PIP4K2A: variants seen among roughly 807,000 people sequenced by gnomAD.
PIP4K2A encodes phosphatidylinositol 5-phosphate 4-kinase type-2 alpha.
A neutral mutation model predicts 42.9 loss-of-function variants in PIP4K2A; 14 were observed. That is an observed-to-expected ratio of 0.33 (90% confidence interval 0.22 to 0.51). PIP4K2A has a LOEUF of 0.51. Among genes scored for constraint, PIP4K2A ranks in the 20% least tolerant of loss-of-function variants. The probability of loss-of-function intolerance (pLI) is 0.97; values close to 1 mark genes in which losing one functional copy is unlikely to be tolerated. For missense variants in PIP4K2A, 434 were observed against 519.8 expected (o/e 0.83, Z 1.61); for synonymous variants, 192 against 192.2 (o/e 1.00, Z 0.01).
chr10:22,669,313 G>A (rs1230583076), intron 1 of PIP4K2A, among the ~76,000 whole-genome samples: 1 of 152,124 alleles, frequency 6.6e-6, no homozygotes, highest in Admixed American at 6.5e-5. Context: ...CGACGGTGGT[G>A]CCATAAGATT....
intron 1 of PIP4K2A, among the ~76,000 whole-genome samples, chr10:22,707,243 T>C (rs1833838881): frequency 6.6e-6 from 1 of 152,238 alleles, no homozygotes. Context: ...GTAGGTACCA[T>C]TATTACCTCC....
chr10:22,699,776 T>C (rs886964077), intron 1 of PIP4K2A, among the ~76,000 whole-genome samples: 1 of 152,176 alleles, frequency 6.6e-6, no homozygotes, highest in Non-Finnish European at 1.5e-5. Context: ...TGTAATGCAA[T>C]ATATGTATTT....
intron 7 of PIP4K2A, 149 bp downstream of exon 7, chr10:22,550,510 G>A (rs1836379740): frequency 3.0e-6 from 2 of 658,054 alleles, no homozygotes; most frequent in Admixed American, 5.5e-5. Flanking sequence ...CATGTAACAT[G>A]AGACACCTTC....
chr10:22,671,813 G>A (rs1306308980), intron 1 of PIP4K2A, among the ~76,000 whole-genome samples: 1 of 151,142 alleles, frequency 6.6e-6, no homozygotes, highest in African/African-American at 2.5e-5. Context: ...TTTTTCTAGC[G>A]AAATGCAGAG....
chr10:22,699,943 T>C (rs1833681569), intron 1 of PIP4K2A, among the ~76,000 whole-genome samples: 1 of 152,174 alleles, frequency 6.6e-6, no homozygotes, highest in African/African-American at 2.4e-5. Flanking sequence ...AGATATATAA[T>C]GGACTTTAGA....
chr10:22,665,073 T>C (rs1427262073), intron 1 of PIP4K2A, among the ~76,000 whole-genome samples: 1 of 152,216 alleles, frequency 6.6e-6, no homozygotes, highest in Non-Finnish European at 1.5e-5. Context: ...TCTTTATGGA[T>C]ATATTTAATA....
chr10:22,548,020 C>T (rs1836299436), intron 7 of PIP4K2A, among the ~76,000 whole-genome samples: 2 of 152,154 alleles, frequency 1.3e-5, no homozygotes, highest in African/African-American at 2.4e-5. Flanking sequence ...ACAGCAACAA[C>T]AACAAAAAAC....
intron 1 of PIP4K2A, among the ~76,000 whole-genome samples, chr10:22,634,674 C>G (rs1344012273): frequency 1.3e-5 from 2 of 152,210 alleles, no homozygotes; most frequent in Non-Finnish European, 2.9e-5. Flanking sequence ...CTCTCTTTCT[C>G]TCTCTCCCTC....
At chr10:22,652,831 C>T (rs1171494) in intron 1 of PIP4K2A, among the ~76,000 whole-genome samples, 38,691 of 152,102 alleles carry the variant, frequency 0.25, 5,220 homozygotes, top group Non-Finnish European at 0.3. Flanking sequence ...CAGTGGCTCA[C>T]GCCTACAAGC....
intron 1 of PIP4K2A, among the ~76,000 whole-genome samples, chr10:22,679,083 T>C (rs960857367): frequency 5.3e-5 from 8 of 152,178 alleles, no homozygotes; most frequent in Admixed American, 5.2e-4. Context: ...CTAGAGGAAG[T>C]GGACTATATC....
intron 6 of PIP4K2A, among the ~76,000 whole-genome samples, chr10:22,560,451 C>A (rs1462991104): frequency 6.6e-6 from 1 of 152,120 alleles, no homozygotes; most frequent in African/African-American, 2.4e-5. Context: ...AAACTGGTTT[C>A]GAAAAGCATT....
intron 1 of PIP4K2A, chr10:22,694,457 A>G (rs1275962046): frequency 6.6e-6 from 1 of 152,230 alleles, no homozygotes; most frequent in Non-Finnish European, 1.5e-5. Context: ...GACCCCAAAA[A>G]TGTTTTGTAC....
intron 1 of PIP4K2A, among the ~76,000 whole-genome samples, chr10:22,674,782 A>AAATAAATAAATAAAT (rs1839522175): frequency 2.0e-5 from 3 of 148,404 alleles, no homozygotes; most frequent in Admixed American, 6.7e-5. Context: ...TCTCTACCAA[A>AAATAAATAAATAAAT]AAATAAATAA....
chr10:22,612,491 T>C (rs574325458), intron 1 of PIP4K2A, among the ~76,000 whole-genome samples: 24 of 151,892 alleles, frequency 1.6e-4, no homozygotes, highest in African/African-American at 5.6e-4. Flanking sequence ...AGTGCAGAAA[T>C]AGACAAGGTG....
chr10:22,562,081 C>T (rs1242572600), intron 6 of PIP4K2A, among the ~76,000 whole-genome samples: 1 of 152,064 alleles, frequency 6.6e-6, no homozygotes, highest in Non-Finnish European at 1.5e-5. Flanking sequence ...ATTTTCCCCC[C>T]CGATGTCTGA....
intron 1 of PIP4K2A, among the ~76,000 whole-genome samples, chr10:22,621,044 G>A (rs1838318176): frequency 6.6e-6 from 1 of 152,170 alleles, no homozygotes; most frequent in Non-Finnish European, 1.5e-5. Context: ...GCTAAATGAA[G>A]CTAATATGCC....
intron 3 of PIP4K2A, among the ~76,000 whole-genome samples, chr10:22,599,284 A>G (rs1837698794): frequency 6.6e-6 from 1 of 152,254 alleles, no homozygotes; most frequent in Admixed American, 6.5e-5. Flanking sequence ...GACTCCAAAA[A>G]GAAACCTGAA....
chr10:22,701,842 T>G (rs1315891477), intron 1 of PIP4K2A, among the ~76,000 whole-genome samples: 1 of 152,218 alleles, frequency 6.6e-6, no homozygotes, highest in African/African-American at 2.4e-5. Context: ...GGAAGCCACT[T>G]TGGCTCTAAG....
chr10:22,707,984 T>A (rs974833886), intron 1 of PIP4K2A, among the ~76,000 whole-genome samples: 4 of 151,922 alleles, frequency 2.6e-5, no homozygotes, highest in African/African-American at 9.7e-5. Context: ...AGAAAAGAAA[T>A]GAGGATAAAG....
Sources: gnomAD v4.1 joint callset for allele counts (sites outside exome capture counted in the v4.1 genomes callset) on GRCh38, gnomAD v4.1.1 for gene constraint, MANE v1.5 for transcripts, NCBI Gene and HGNC (gene_info 2026-07-23, HGNC 2026-07-21) for gene names.